NKAP: variants seen among roughly 807,000 people sequenced by gnomAD.
NKAP encodes NFKB activating protein.
In NKAP, 4 loss-of-function variants were observed where a neutral mutation model predicts 35.6. The observed-to-expected ratio is 0.11, with a 90% CI of 0.06 to 0.26. The LOEUF is 0.26. Among genes scored for constraint, NKAP ranks in the 10% least tolerant of loss-of-function variants. NKAP has a pLI of 1.00. For missense variants in NKAP, 238 were observed against 321.9 expected (o/e 0.74, Z 1.99); for synonymous variants, 106 against 119.2 (o/e 0.89, Z 0.72).
intron 1 of NKAP, 79 bp downstream of exon 1, chrX:119,943,141 T>A: frequency 9.1e-7 from 1 of 1,101,985 alleles, no homozygotes; most frequent in Non-Finnish European, 1.2e-6. Context: ...ATGCGAATAG[T>A]CAGAAGCGGA....
At chrX:119,932,398 C>G (rs2056746050) in intron 5 of NKAP, 182 bp from the exon 6 acceptor site, 1 of 335,541 alleles carries the variant, frequency 3.0e-6, no homozygotes, top group South Asian at 6.7e-5. Flanking sequence ...GATAATTTTA[C>G]TTAAAAAAAT....
intron 1 of NKAP, among the ~76,000 whole-genome samples, chrX:119,942,474 C>CAA (rs200842873): frequency 0.013 from 1,458 of 111,009 alleles, 34 homozygotes; most frequent in African/African-American, 0.046. Context: ...GACCCTGTCT[C>CAA]AAAAACAAAA....
chrX:119,923,525 T>C lies in NKAP; in HGVS notation c.*1695A>G, dbSNP rs1293149615. On this transcript the variant is annotated 3_prime_UTR_variant, in exon 9 of 9. Transcript: ENST00000371410. ...TTTTCCTTATCAAAACTCTTGACCATAGTTGACTCCTATTCTTTTGGATGT... is the reference window on the plus strand; with the variant it reads ...TTTTCCTTATCAAAACTCTTGACCACAGTTGACTCCTATTCTTTTGGATGT... 1 of 112,653 alleles carries C rather than the reference T, an allele frequency of 8.9e-6. No homozygotes were observed. Among genetic ancestry groups the C allele is most frequent in the Non-Finnish European group, 1.9e-5 (1 of 53,337 alleles). The allele number at this position is 112,653 out of a possible 1,213,427, so 9.3% of individuals were successfully genotyped here.
Position 119,943,377 on chromosome X carries a change from G to A in NKAP, c.229C>T (p.Arg77Trp). 1 of 1,211,664 alleles carries A rather than the reference G, an allele frequency of 8.3e-7. No homozygotes were observed. The highest frequency in any genetic ancestry group is 1.1e-6 in the Non-Finnish European group (1 of 895,213). The change falls in exon 1 of 9, where the codon CGG becomes TGG. Residue 77 changes from arginine (R) to tryptophan (W), a missense_variant. Coordinates refer to ENST00000371410, the MANE Select transcript of NKAP (RefSeq NM_024528.4). The part of the protein sequence containing the change: ...SRNQSYRSRS[R>W]SRSRERPSAP... ...GAGGGCCGCTCTCTAGAACGCGACC[G>A]CGAGCGTGAGCGGTAGGACTGGTTT...
chrX:119,942,974 G>A (rs749655508), intron 1 of NKAP: 3 of 364,803 alleles, frequency 8.2e-6, no homozygotes, highest in African/African-American at 2.6e-5. Context: ...GGCAATATTC[G>A]CTAACAAGAC....
chrX:119,929,504 T>A (rs904432887), intron 8 of NKAP, among the ~76,000 whole-genome samples: 1 of 112,347 alleles, frequency 8.9e-6, no homozygotes, highest in Non-Finnish European at 1.9e-5. Context: ...GAATCCAGTG[T>A]CTTTTTAAAA....
chrX:119,925,304 T>C lies in NKAP; in HGVS notation c.1164A>G (p.Glu388=). 1 of 1,211,513 alleles carries C rather than the reference T, an allele frequency of 8.3e-7. No individual in the cohort carries two copies. The highest frequency in any genetic ancestry group is 1.1e-6 in the Non-Finnish European group (1 of 895,427). The change falls in exon 9 of 9, where the codon GAA becomes GAG. Residue 388 remains glutamate (E), a synonymous_variant. Transcript: ENST00000371410. The stretch of plus-strand genomic sequence containing the variant: ...TCTTGTTCTCTCTCTTTCGTCTCTC[T>C]TCTTGGTTAAAGGATGCAAGGGCTC... ...EKRALASFNQ[E]ERRKRENKIL...
chrX:119,941,507 G>A (rs1569472610), intron 1 of NKAP, among the ~76,000 whole-genome samples: 1 of 112,324 alleles, frequency 8.9e-6, no homozygotes, highest in East Asian at 2.8e-4. Flanking sequence ...AGCCCAGAGA[G>A]GTTAAGTAAC....
At chrX:119,935,295 G>A in intron 4 of NKAP, among the ~76,000 whole-genome samples, 1 of 111,637 alleles carries the variant, frequency 9.0e-6, no homozygotes, top group South Asian at 3.7e-4. Context: ...AAACCAAGCT[G>A]GATGGAGGGA....
intron 8 of NKAP, 61 bp downstream of exon 8, chrX:119,929,955 G>A: frequency 9.6e-7 from 1 of 1,037,494 alleles, no homozygotes; most frequent in Non-Finnish European, 1.3e-6. Flanking sequence ...ATATAATTCT[G>A]GTAGTAAAAA....
intron 4 of NKAP, among the ~76,000 whole-genome samples, 171 bp from the exon 5 acceptor site, chrX:119,934,728 T>C (rs952999048): frequency 1.6e-4 from 18 of 111,044 alleles, no homozygotes; most frequent in Non-Finnish European, 2.6e-4. Flanking sequence ...ACTATGAACA[T>C]AGAAATTAAA....
rs1362074683 is a variant in NKAP at position 119,923,458 on chromosome X, T to C, written c.*1762A>G. ...AAAAATATTTAATATCATTTTAGTT[T>C]CTCTTATGAAACAATTAAGCTAAAA... On this transcript the variant is annotated 3_prime_UTR_variant, in exon 9 of 9. Transcript: ENST00000371410. 1 of 112,267 alleles carries C rather than the reference T, an allele frequency of 8.9e-6. No homozygotes were observed. Among genetic ancestry groups the C allele is most frequent in the Non-Finnish European group, 1.9e-5 (1 of 53,291 alleles). The allele number at this position is 112,267 out of a possible 1,213,427, so 9.3% of individuals were successfully genotyped here. A position where few individuals can be genotyped will look rare whatever the true frequency, so the allele number is the denominator to read the frequency against.
chrX:119,937,583 G>C (rs1204504540), intron 2 of NKAP: 1 of 90,832 alleles, frequency 1.1e-5, no homozygotes, highest in Non-Finnish European at 2.1e-5. Flanking sequence ...ACTCCAGCTT[G>C]AGTGACAGAG....
At chrX:119,943,155 A>C in intron 1 of NKAP, 65 bp downstream of exon 1, 1 of 1,120,455 alleles carries the variant, frequency 8.9e-7, no homozygotes. Flanking sequence ...AAGCGGAATG[A>C]ATGATAGATC....
Position 119,925,156 on chromosome X carries a change from T to C in NKAP, c.*64A>G. ...CAGAACATAATAATCTTTTTCTATG[T>C]ATGTGTGGAACCCAGACTTTCTTTT... On this transcript the variant is annotated 3_prime_UTR_variant, in exon 9 of 9. Transcript: ENST00000371410. 1 of 1,080,357 alleles carries C rather than the reference T, an allele frequency of 9.3e-7. No homozygotes were observed. Among genetic ancestry groups the C allele is most frequent in the Non-Finnish European group, 1.3e-6 (1 of 790,543 alleles). 89.0% of individuals were successfully genotyped at this position (1,080,357 alleles called of 1,213,427 possible).
At chrX:119,933,756 C>T (rs960355754) in intron 5 of NKAP, among the ~76,000 whole-genome samples, 1 of 110,228 alleles carries the variant, frequency 9.1e-6, no homozygotes, top group African/African-American at 3.3e-5. Flanking sequence ...TGGGCTCAAG[C>T]GATCCTCCTG....
intron 1 of NKAP, among the ~76,000 whole-genome samples, chrX:119,942,670 GGGAA>G (rs1378434748): frequency 9.0e-6 from 1 of 111,091 alleles, no homozygotes; most frequent in African/African-American, 3.3e-5. Context: ...CTTGTCTGAG[GGGAA>G]GGTTTATTTC....
intron 2 of NKAP, chrX:119,936,978 A>G (rs2056770039): frequency 6.0e-6 from 1 of 165,797 alleles, no homozygotes; most frequent in African/African-American, 3.0e-5. Flanking sequence ...TATTTAAACA[A>G]AGCAGCATGG....
At chrX:119,926,295 C>T (rs1409439572) in intron 8 of NKAP, among the ~76,000 whole-genome samples, 1 of 108,216 alleles carries the variant, frequency 9.2e-6, no homozygotes, top group East Asian at 2.9e-4. Flanking sequence ...GTCTTAAAGT[C>T]TGGCTCTGTC....
Sources: gnomAD v4.1 joint callset for allele counts (sites outside exome capture counted in the v4.1 genomes callset) on GRCh38, gnomAD v4.1.1 for gene constraint, MANE v1.5 for transcripts, NCBI Gene and HGNC (gene_info 2026-07-23, HGNC 2026-07-21) for gene names.